The following SNX29 variants were observed in gnomAD, a reference collection of about 807,000 sequenced individuals.
SNX29 encodes the protein sorting nexin 29.
In SNX29, 78 loss-of-function variants were observed where a neutral mutation model predicts 102.1. That is an observed-to-expected ratio of 0.76 (90% CI 0.64 to 0.92). The LOEUF (loss-of-function observed/expected upper bound fraction) is 0.92. Ranked by LOEUF, SNX29 falls within the 40% of genes least tolerant of loss-of-function variation. The pLI is 0.00. For missense variants in SNX29, 1,280 were observed against 1,061.7 expected, an observed-to-expected ratio of 1.21 and a Z score of -2.86; for synonymous variants, 580 against 414.5, an observed-to-expected ratio of 1.40 and a Z score of -4.85.
chr16:12,252,606 CG>C (rs2078454026), intron 14 of SNX29, among the ~76,000 whole-genome samples: 1 of 152,232 alleles, frequency 6.6e-6, no homozygotes. Flanking sequence ...GTGCATTTCC[CG>C]GTTCCATCAG....
chr16:12,567,434 A>G (rs1598117649), intron 20 of SNX29, among the ~76,000 whole-genome samples: 1 of 152,214 alleles, frequency 6.6e-6, no homozygotes, highest in South Asian at 2.1e-4. Context: ...GAGTAAGAAC[A>G]TTCCTAGCCC....
intron 13 of SNX29, among the ~76,000 whole-genome samples, chr16:12,169,696 C>T (rs1160735005): frequency 1.3e-5 from 2 of 152,054 alleles, no homozygotes; most frequent in African/African-American, 4.8e-5. Flanking sequence ...GCTATCTGTA[C>T]TAAAAATACA....
chr16:12,163,842 TC>T (rs1003096086), intron 13 of SNX29, among the ~76,000 whole-genome samples: 15 of 152,110 alleles, frequency 9.9e-5, no homozygotes, highest in African/African-American at 3.6e-4. Flanking sequence ...GTGGTACTGT[TC>T]CGTGGTGCAG....
chr16:12,430,469 A>C (rs116096902), intron 18 of SNX29, among the ~76,000 whole-genome samples: 2,235 of 152,314 alleles, frequency 0.015, 63 homozygotes, highest in African/African-American at 0.05. Context: ...GGAATTGGTC[A>C]TTCCTGAGTT....
chr16:11,990,857 T>A (rs73515626), intron 1 of SNX29, among the ~76,000 whole-genome samples: 4,549 of 152,312 alleles, frequency 0.03, 204 homozygotes, highest in African/African-American at 0.1. Context: ...ACTCCGACAC[T>A]ATTGTTTTAA....
chr16:12,382,743 C>T (rs1044059646), intron 16 of SNX29, among the ~76,000 whole-genome samples: 3 of 152,154 alleles, frequency 2.0e-5, no homozygotes, highest in Non-Finnish European at 4.4e-5. Flanking sequence ...AGGGGAAGAT[C>T]CTTCCCTGTC....
At chr16:12,215,646 T>A (rs557144356) in intron 14 of SNX29, among the ~76,000 whole-genome samples, 2 of 152,176 alleles carry the variant, frequency 1.3e-5, no homozygotes, top group South Asian at 4.1e-4. Context: ...GATGCCCTAG[T>A]TGGGTGCACT....
chr16:11,980,088 G>A (rs1395227729), intron 1 of SNX29, among the ~76,000 whole-genome samples: 3 of 152,002 alleles, frequency 2.0e-5, no homozygotes, highest in Non-Finnish European at 4.4e-5. Flanking sequence ...TTTCAGAGCC[G>A]TGTAAACATC....
At chr16:12,010,751 AT>A (rs34541174) in intron 3 of SNX29, among the ~76,000 whole-genome samples, 63,789 of 148,434 alleles carry the variant, frequency 0.43, 13,959 homozygotes, top group Non-Finnish European at 0.49. Flanking sequence ...TGTTTTGGTG[AT>A]TTTTTTTTTT....
At chr16:12,444,998 CTG>C (rs1401804536) in intron 18 of SNX29, among the ~76,000 whole-genome samples, 1 of 151,984 alleles carries the variant, frequency 6.6e-6, no homozygotes, top group Admixed American at 6.6e-5. Flanking sequence ...CTATAGACAT[CTG>C]CCACCACGCC....
At chr16:12,301,459 C>T (rs1230228647) in intron 15 of SNX29, among the ~76,000 whole-genome samples, 1 of 152,246 alleles carries the variant, frequency 6.6e-6, no homozygotes, top group Non-Finnish European at 1.5e-5. Flanking sequence ...ACATGGCTGG[C>T]TTCGTGTCCT....
At position 12,560,696 on chromosome 16, in the gene SNX29, C is replaced by T. The variant is rs117602053; in HGVS notation, c.2319-7810C>T. The T allele has an allele frequency of 7.4e-4, 119 of 161,000 alleles. 1 individual carries two copies. Among genetic ancestry groups the T allele is most frequent in the East Asian group, 6.2e-3 (44 of 7,120 alleles). 10.0% of individuals were successfully genotyped at this position (161,000 alleles called of 1,614,324 possible). The stretch of plus-strand genomic sequence containing the variant: ...CTTGGATGCATTTATATCTAGTCAT[C>T]GACTCTGGGCTCAGAGTGCACACAT... On this transcript the variant is annotated intron_variant, in intron 20 of 20. Transcript: ENST00000566228.
intron 7 of SNX29, 78 bp from the exon 8 acceptor site, chr16:12,051,769 T>C: frequency 6.4e-7 from 1 of 1,557,644 alleles, no homozygotes; most frequent in Non-Finnish European, 8.6e-7. Flanking sequence ...TTCCATAACC[T>C]GGAGGTGAGT....
At chr16:12,280,723 A>G (rs536751554) in intron 15 of SNX29, among the ~76,000 whole-genome samples, 1 of 152,198 alleles carries the variant, frequency 6.6e-6, no homozygotes, top group Non-Finnish European at 1.5e-5. Flanking sequence ...CACTACACCA[A>G]TACTTTTGCT....
intron 20 of SNX29, among the ~76,000 whole-genome samples, chr16:12,554,083 C>A (rs1329427289): frequency 6.6e-6 from 1 of 152,200 alleles, no homozygotes. Context: ...ACCTTGGCCT[C>A]CCAAAAGCAC....
intron 16 of SNX29, among the ~76,000 whole-genome samples, chr16:12,389,187 A>G (rs1737630126): frequency 6.6e-6 from 1 of 152,184 alleles, no homozygotes; most frequent in Non-Finnish European, 1.5e-5. Flanking sequence ...CTTTGGCATC[A>G]TCTGGTTGAC....
intron 15 of SNX29, among the ~76,000 whole-genome samples, chr16:12,344,108 A>G (rs910013468): frequency 6.6e-6 from 1 of 152,170 alleles, no homozygotes; most frequent in Non-Finnish European, 1.5e-5. Context: ...CTGCCGCCAT[A>G]TAAGACATGC....
chr16:12,235,226 TA>T (rs1244076428), intron 14 of SNX29, among the ~76,000 whole-genome samples: 7 of 152,278 alleles, frequency 4.6e-5, no homozygotes, highest in Admixed American at 4.6e-4. Context: ...TGGTGTTCAG[TA>T]AGTTTAGAGA....
chr16:12,565,686 T>A (rs531267684), intron 20 of SNX29, among the ~76,000 whole-genome samples: 1 of 152,110 alleles, frequency 6.6e-6, no homozygotes, highest in Non-Finnish European at 1.5e-5. Flanking sequence ...TAACCCTGCC[T>A]TCCAGGAAGG....
Sources: allele counts gnomAD v4.1 joint callset (sites outside exome capture counted in the v4.1 genomes callset), GRCh38; gene constraint gnomAD v4.1.1; transcripts MANE v1.5; gene names NCBI Gene and HGNC (gene_info 2026-07-23, HGNC 2026-07-21).